The following MEGF11 variants were observed in gnomAD, a reference collection of about 807,000 sequenced individuals.
MEGF11 encodes the protein multiple EGF like domains 11.
Under a neutral mutation model 146.6 loss-of-function variants are expected in MEGF11, and 126 were observed. That is an observed-to-expected ratio of 0.86 (90% confidence interval 0.74 to 1.00). The LOEUF is 1.00. Ranked by LOEUF, MEGF11 falls within the 50% of genes least tolerant of loss-of-function variation. The pLI is 0.00. For synonymous variants in MEGF11, 532 were observed against 583.4 expected (o/e 0.91, Z 1.27); for missense variants, 1,509 against 1,521.2 (o/e 0.99, Z 0.13).
At chr15:66,038,632 C>G (rs796530264) in intron 5 of MEGF11, among the ~76,000 whole-genome samples, 19 of 152,256 alleles carry the variant, frequency 1.2e-4, no homozygotes, top group African/African-American at 4.6e-4. Context: ...AAAACTGAGG[C>G]CCAGGCAAGC....
chr15:66,004,629 G>A (rs2082466673), intron 5 of MEGF11, among the ~76,000 whole-genome samples: 1 of 152,080 alleles, frequency 6.6e-6, no homozygotes, highest in African/African-American at 2.4e-5. Flanking sequence ...CTGTCTCTAA[G>A]TGCAAACTAT....
chr15:65,993,269 C>T (rs80030787), intron 5 of MEGF11, among the ~76,000 whole-genome samples: 2,238 of 152,276 alleles, frequency 0.015, 46 homozygotes, highest in African/African-American at 0.049. Context: ...CTATGAGGCT[C>T]GGGGTGAGAG....
At chr15:65,914,268 A>C (rs2078918802) in intron 19 of MEGF11, 1 of 491,760 alleles carries the variant, frequency 2.0e-6, no homozygotes, top group Non-Finnish European at 3.6e-6. Context: ...TTTACTCTTC[A>C]GCCCTGTGAA....
chr15:66,159,102 G>T (rs1035580807), intron 1 of MEGF11, among the ~76,000 whole-genome samples: 2 of 152,190 alleles, frequency 1.3e-5, no homozygotes, highest in Non-Finnish European at 2.9e-5. Flanking sequence ...AGTCTGTCAG[G>T]TTCACAGGAT....
At chr15:66,166,500 C>T (rs2090101526) in intron 1 of MEGF11, among the ~76,000 whole-genome samples, 1 of 152,148 alleles carries the variant, frequency 6.6e-6, no homozygotes, top group Non-Finnish European at 1.5e-5. Context: ...TGCTCCACTG[C>T]TTAATACCTC....
intron 21 of MEGF11, 64 bp from the exon 22 acceptor site, chr15:65,909,870 CTT>C: frequency 7.2e-7 from 1 of 1,379,394 alleles, no homozygotes; most frequent in African/African-American, 1.4e-5. Flanking sequence ...CCAGTCTTCA[CTT>C]TGCGTAGCTT....
At chr15:66,047,365 T>C (rs1247475735) in intron 5 of MEGF11, among the ~76,000 whole-genome samples, 1 of 152,202 alleles carries the variant, frequency 6.6e-6, no homozygotes, top group Non-Finnish European at 1.5e-5. Flanking sequence ...CTCGATTTCT[T>C]CTACCACTTC....
chr15:66,018,003 G>A (rs2082954876), intron 5 of MEGF11, among the ~76,000 whole-genome samples: 1 of 152,210 alleles, frequency 6.6e-6, no homozygotes, highest in African/African-American at 2.4e-5. Flanking sequence ...GAGCCGGGTG[G>A]GCTTGAAGCC....
intron 7 of MEGF11, among the ~76,000 whole-genome samples, chr15:65,975,749 T>A (rs2081423760): frequency 1.3e-5 from 2 of 152,150 alleles, no homozygotes; most frequent in South Asian, 4.1e-4. Context: ...CGAAGTGAGA[T>A]TAGAGATGTG....
chr15:66,079,365 G>C (rs1046707330), intron 5 of MEGF11, among the ~76,000 whole-genome samples: 3 of 152,180 alleles, frequency 2.0e-5, no homozygotes, highest in African/African-American at 7.2e-5. Flanking sequence ...CCAAAGAAGA[G>C]ACCCAGAAAC....
intron 5 of MEGF11, among the ~76,000 whole-genome samples, chr15:66,023,573 T>C (rs778001045): frequency 1.3e-5 from 2 of 152,222 alleles, no homozygotes; most frequent in Non-Finnish European, 2.9e-5. Flanking sequence ...CCTTTTTGAA[T>C]GGAGACTCTT....
chr15:66,215,736 G>A (rs1031132712), intron 1 of MEGF11, among the ~76,000 whole-genome samples: 1 of 152,154 alleles, frequency 6.6e-6, no homozygotes, highest in Non-Finnish European at 1.5e-5. Context: ...AGTGAATGTT[G>A]GGAGGAGATG....
intron 5 of MEGF11, among the ~76,000 whole-genome samples, chr15:66,078,943 A>G (rs1032017517): frequency 6.6e-6 from 1 of 152,178 alleles, no homozygotes; most frequent in Non-Finnish European, 1.5e-5. Flanking sequence ...TCCCGAGTAC[A>G]CAGTTCACTC....
chr15:66,162,163 G>A (rs2089970650), intron 1 of MEGF11, among the ~76,000 whole-genome samples: 3 of 152,126 alleles, frequency 2.0e-5, no homozygotes, highest in Admixed American at 6.5e-5. Flanking sequence ...ATGGGATCAG[G>A]GCCAACCACC....
chr15:66,199,419 C>T (rs1394370215), intron 1 of MEGF11, among the ~76,000 whole-genome samples: 2 of 152,090 alleles, frequency 1.3e-5, no homozygotes, highest in Non-Finnish European at 2.9e-5. Context: ...CTGCTATTTG[C>T]TGTCAATCTC....
At chr15:65,923,879 G>T (rs1200997442) in intron 13 of MEGF11, among the ~76,000 whole-genome samples, 1 of 152,182 alleles carries the variant, frequency 6.6e-6, no homozygotes, top group Non-Finnish European at 1.5e-5. Context: ...CCCCAGCTCT[G>T]GGGTAGGTTT....
At chr15:66,220,525 GGT>G (rs1491467452) in intron 1 of MEGF11, among the ~76,000 whole-genome samples, 3 of 62,208 alleles carry the variant, frequency 4.8e-5, no homozygotes, top group Admixed American at 2.8e-4. Context: ...GGTTTCGTTG[GGT>G]TTTTTTTTTT....
At chr15:66,146,246 A>G (rs2089366735) in intron 1 of MEGF11, among the ~76,000 whole-genome samples, 1 of 152,238 alleles carries the variant, frequency 6.6e-6, no homozygotes. Context: ...TAAATGATAC[A>G]TGTTCAGGGA....
At chr15:66,141,974 G>A (rs1039487091) in intron 1 of MEGF11, among the ~76,000 whole-genome samples, 1 of 152,078 alleles carries the variant, frequency 6.6e-6, no homozygotes, top group Non-Finnish European at 1.5e-5. Flanking sequence ...TCGGTGGGGG[G>A]ATCGGCGGCA....
Sources: gnomAD v4.1 joint callset for allele counts (sites outside exome capture counted in the v4.1 genomes callset) on GRCh38, gnomAD v4.1.1 for gene constraint, MANE v1.5 for transcripts, NCBI Gene and HGNC (gene_info 2026-07-23, HGNC 2026-07-21) for gene names.